The following BMPR1B variants were observed in gnomAD, a reference collection of about 807,000 sequenced individuals.
BMPR1B encodes the protein bone morphogenetic protein receptor type 1B, also known as bone morphogenetic protein receptor type-1B.
In BMPR1B, 12 loss-of-function variants were observed where a neutral mutation model predicts 59.1. The observed-to-expected ratio is 0.20, with a 90% CI of 0.13 to 0.33. The LOEUF (loss-of-function observed/expected upper bound fraction) is 0.33. BMPR1B is among the 10% of genes least tolerant of loss of function. BMPR1B has a pLI of 1.00. For missense variants in BMPR1B, 550 were observed against 610.9 expected (o/e 0.90, Z 1.05); for synonymous variants, 237 against 207.3 (o/e 1.14, Z -1.23).
chr4:95,152,582 T>C (rs1287289527), intron 11 of BMPR1B, 61 bp from the exon 12 acceptor site: 3 of 1,430,950 alleles, frequency 2.1e-6, no homozygotes, highest in Non-Finnish European at 2.8e-6. Context: ...TGTGTTAGAC[T>C]TTTATTTCTA....
intron 3 of BMPR1B, among the ~76,000 whole-genome samples, chr4:95,065,451 A>T (rs1404096389): frequency 1.3e-5 from 2 of 152,216 alleles, no homozygotes; most frequent in Admixed American, 1.3e-4. Context: ...TATGTTAATT[A>T]TATCCCAATA....
At chr4:95,029,475 A>G (rs1724669079) in intron 3 of BMPR1B, among the ~76,000 whole-genome samples, 1 of 151,956 alleles carries the variant, frequency 6.6e-6, no homozygotes, top group Non-Finnish European at 1.5e-5. Context: ...TATGTGCCAC[A>G]TTTTCTTAAT....
Position 95,157,356 on chromosome 4 carries a change from A to G in BMPR1B, c.*2683A>G. 1 of 152,096 alleles carries G rather than the reference A, an allele frequency of 6.6e-6. No individual in the cohort carries two copies. Among genetic ancestry groups the G allele is most frequent in the East Asian group, 1.9e-4 (1 of 5,194 alleles). 9.4% of individuals were successfully genotyped at this position (152,096 alleles called of 1,614,324 possible). ...ACTTAGATAACACTAAATTGTTCTT[A>G]AAGACTACTCATTTCCCAATAATCC... On this transcript the variant is annotated 3_prime_UTR_variant, in exon 13 of 13. Transcript: ENST00000515059.
intron 2 of BMPR1B, among the ~76,000 whole-genome samples, chr4:94,935,021 T>G (rs1729238680): frequency 1.3e-5 from 2 of 152,160 alleles, no homozygotes; most frequent in African/African-American, 2.4e-5. Context: ...AAAAAAAATA[T>G]GAACTTGAAA....
intron 5 of BMPR1B, 57 bp from the exon 6 acceptor site, chr4:95,115,628 G>T (rs760832392): frequency 4.2e-6 from 6 of 1,434,040 alleles, no homozygotes; most frequent in South Asian, 2.3e-5. Flanking sequence ...AGTTTTAGAT[G>T]ATTTGACTTT....
intron 3 of BMPR1B, among the ~76,000 whole-genome samples, chr4:95,022,061 G>T (rs1056447627): frequency 1.3e-5 from 2 of 152,166 alleles, no homozygotes; most frequent in African/African-American, 4.8e-5. Flanking sequence ...GGGCGCAGTG[G>T]CTAGCAGAGC....
intron 4 of BMPR1B, among the ~76,000 whole-genome samples, chr4:95,109,931 A>G (rs1013976918): frequency 3.6e-5 from 5 of 139,496 alleles, no homozygotes; most frequent in African/African-American, 8.1e-5. Context: ...TCATTGTTCA[A>G]TTCCCACCTA....
intron 1 of BMPR1B, among the ~76,000 whole-genome samples, chr4:94,836,815 A>G (rs1440137220): frequency 6.7e-6 from 1 of 149,044 alleles, no homozygotes; most frequent in Non-Finnish European, 1.5e-5. Context: ...TTGGTGTTTT[A>G]GACATGAAGT....
At chr4:95,077,607 T>A (rs1379632041) in intron 3 of BMPR1B, among the ~76,000 whole-genome samples, 1 of 152,178 alleles carries the variant, frequency 6.6e-6, no homozygotes, top group African/African-American at 2.4e-5. Context: ...TTAAAGTGAA[T>A]GTGATATTTC....
intron 2 of BMPR1B, among the ~76,000 whole-genome samples, chr4:94,949,308 CTTTTT>C (rs1216699208): frequency 1.2e-5 from 1 of 81,936 alleles, no homozygotes; most frequent in African/African-American, 5.5e-5. Context: ...TGAACTCATT[CTTTTT>C]TTTTTTTTTT....
intron 3 of BMPR1B, among the ~76,000 whole-genome samples, chr4:95,010,152 G>T (rs183589237): frequency 1.1e-3 from 169 of 152,206 alleles, no homozygotes; most frequent in Non-Finnish European, 1.8e-3. Context: ...CATAGGAGGG[G>T]CCCGTTTCAG....
chr4:94,970,292 T>TTCTC (rs1249500423), intron 2 of BMPR1B, among the ~76,000 whole-genome samples: 2 of 47,462 alleles, frequency 4.2e-5, no homozygotes, highest in Non-Finnish European at 1.1e-4. Flanking sequence ...TTCTCTTCTC[T>TTCTC]TCTCTTCTCT....
intron 1 of BMPR1B, among the ~76,000 whole-genome samples, chr4:94,770,747 A>G (rs923378027): frequency 1.3e-5 from 2 of 152,042 alleles, no homozygotes; most frequent in African/African-American, 2.4e-5. Context: ...ATCGAATCCT[A>G]TGATGACTCA....
chr4:95,011,509 T>A (rs1415229409), intron 3 of BMPR1B, among the ~76,000 whole-genome samples: 1 of 152,164 alleles, frequency 6.6e-6, no homozygotes, highest in Non-Finnish European at 1.5e-5. Context: ...TCGCTCTAGC[T>A]GTCATGTCTA....
At chr4:95,018,425 G>C (rs540680425) in intron 3 of BMPR1B, among the ~76,000 whole-genome samples, 1 of 152,270 alleles carries the variant, frequency 6.6e-6, no homozygotes, top group Admixed American at 6.5e-5. Flanking sequence ...TTTTTAGAAA[G>C]TTAATATTGC....
At chr4:95,114,622 A>T (rs1429646648) in intron 4 of BMPR1B, 98 bp from the exon 5 acceptor site, 1 of 1,020,270 alleles carries the variant, frequency 9.8e-7, no homozygotes. Context: ...AATGATACAC[A>T]TCACTTATTT....
chr4:95,077,185 T>A (rs905620589), intron 3 of BMPR1B, among the ~76,000 whole-genome samples: 1 of 152,086 alleles, frequency 6.6e-6, no homozygotes, highest in African/African-American at 2.4e-5. Flanking sequence ...GGAAAACCTA[T>A]CCTTCCTACT....
chr4:95,152,920 T>C (rs1297603939), intron 12 of BMPR1B, 147 bp downstream of exon 12: 6 of 1,061,568 alleles, frequency 5.7e-6, no homozygotes, highest in Non-Finnish European at 1.4e-6. Context: ...TATATGAAGA[T>C]AAGTGTAGTA....
intron 3 of BMPR1B, among the ~76,000 whole-genome samples, chr4:95,002,954 A>G (rs1722557257): frequency 6.6e-6 from 1 of 151,172 alleles, no homozygotes; most frequent in Non-Finnish European, 1.5e-5. Flanking sequence ...TTTTTTTTCC[A>G]GCAGCTCTAT....
Sources: gnomAD v4.1 joint callset for allele counts (sites outside exome capture counted in the v4.1 genomes callset) on GRCh38, gnomAD v4.1.1 for gene constraint, MANE v1.5 for transcripts, NCBI Gene and HGNC (gene_info 2026-07-23, HGNC 2026-07-21) for gene names.